CD302: variants seen among roughly 807,000 people sequenced by gnomAD.
CD302 encodes CD302 antigen.
In CD302, 23 loss-of-function variants were observed where a neutral mutation model predicts 26.5. The ratio of observed to expected loss-of-function variants is 0.87; its 90% CI spans 0.62 to 1.23. The LOEUF is 1.23. Among genes scored for constraint, CD302 ranks in the 50% most tolerant of loss-of-function variants. The probability of loss-of-function intolerance (pLI) is 0.00; values close to 1 mark genes in which losing one functional copy is unlikely to be tolerated. For missense variants in CD302, 290 were observed against 275.5 expected, an observed-to-expected ratio of 1.05 and a Z score of -0.37; for synonymous variants, 90 against 99.4, an observed-to-expected ratio of 0.91 and a Z score of 0.56.
chr2:159,785,389 A>G (rs1282851343), intron 1 of CD302, among the ~76,000 whole-genome samples: 1 of 152,126 alleles, frequency 6.6e-6, no homozygotes. Flanking sequence ...CTCTCCCACA[A>G]TGCTGGCTTA....
chr2:159,777,838 T>TA, intron 5 of CD302, 100 bp downstream of exon 5: 1 of 580,102 alleles, frequency 1.7e-6, no homozygotes, highest in Non-Finnish European at 2.8e-6. Context: ...TACTTTATAT[T>TA]ACATAATTTT....
chr2:159,771,411 C>A lies in CD302; in HGVS notation c.*440G>T, dbSNP rs1708142962. The A allele has an allele frequency of 6.5e-6, 1 of 153,328 alleles. No homozygotes were observed. The highest frequency in any genetic ancestry group is 2.0e-4 in the South Asian group (1 of 4,914). 9.5% of individuals were successfully genotyped at this position (153,328 alleles called of 1,614,324 possible). ...AAGATACACATTCTAGAGGAATTATCTGCCAAAAAAATAACAATTATCAAA... is the reference window on the plus strand; with the variant it reads ...AAGATACACATTCTAGAGGAATTATATGCCAAAAAAATAACAATTATCAAA... On this transcript the variant is annotated 3_prime_UTR_variant, in exon 6 of 6. Transcript: ENST00000259053.
intron 3 of CD302, 40 bp downstream of exon 3, chr2:159,780,842 G>A: frequency 1.3e-6 from 2 of 1,576,764 alleles, no homozygotes; most frequent in African/African-American, 1.4e-5. Flanking sequence ...ATTAAAAAAA[G>A]AACAACAAAG....
intron 1 of CD302, among the ~76,000 whole-genome samples, chr2:159,795,816 T>C (rs1171517250): frequency 6.6e-6 from 1 of 152,190 alleles, no homozygotes; most frequent in Non-Finnish European, 1.5e-5. Context: ...TTGTAGGACA[T>C]GGCAATTCAA....
chr2:159,775,763 T>G (rs1708295896), intron 5 of CD302, among the ~76,000 whole-genome samples: 1 of 152,224 alleles, frequency 6.6e-6, no homozygotes, highest in South Asian at 2.1e-4. Flanking sequence ...ACTGTACCTA[T>G]TAAACTCCCA....
At chr2:159,776,671 G>C (rs978465613) in intron 5 of CD302, among the ~76,000 whole-genome samples, 1 of 148,516 alleles carries the variant, frequency 6.7e-6, no homozygotes, top group Non-Finnish European at 1.5e-5. Context: ...CCCCCAAATA[G>C]AAAACTGGCA....
Position 159,771,937 on chromosome 2 carries a change from A to G in CD302, c.613T>C (p.Phe205Leu). The change falls in exon 6 of 6, where the codon TTT (phenylalanine) becomes CTT (leucine). Residue 205 changes from phenylalanine to leucine, a missense_variant. Coordinates refer to ENST00000259053, the MANE Select transcript of CD302 (RefSeq NM_014880.5). ...KHSDSRFTTVFSTAPQSPYNE... is the reference protein window; with the variant it reads ...KHSDSRFTTVLSTAPQSPYNE... ...TAAGGTGATTGGGGTGCGGTTGAAAAAACTGTGGTGAAACGAGAATCAGAA... is the reference window on the plus strand; with the variant it reads ...TAAGGTGATTGGGGTGCGGTTGAAAGAACTGTGGTGAAACGAGAATCAGAA... 1.2e-6 allele frequency: 2 copies of G among 1,614,028 alleles called. No homozygotes were observed. The highest frequency in any genetic ancestry group is 1.7e-6 in the Non-Finnish European group (2 of 1,179,944).
chr2:159,784,057 T>C (rs1708595689), intron 1 of CD302, among the ~76,000 whole-genome samples: 1 of 152,246 alleles, frequency 6.6e-6, no homozygotes, highest in African/African-American at 2.4e-5. Context: ...ACTCTTCCTC[T>C]ACTGCTCTAA....
chr2:159,783,965 G>C (rs937043327), intron 1 of CD302, among the ~76,000 whole-genome samples: 1 of 152,182 alleles, frequency 6.6e-6, no homozygotes, highest in African/African-American at 2.4e-5. Context: ...AGGAAAACAA[G>C]ATTGATGTTC....
intron 1 of CD302, among the ~76,000 whole-genome samples, chr2:159,785,890 C>T (rs1475087738): frequency 5.3e-5 from 8 of 152,194 alleles, no homozygotes; most frequent in South Asian, 4.2e-4. Flanking sequence ...ACGGCTTTAA[C>T]GTCAGACAGA....
intron 4 of CD302, among the ~76,000 whole-genome samples, chr2:159,778,656 T>C (rs1708411797): frequency 1.3e-5 from 2 of 152,284 alleles, no homozygotes; most frequent in Admixed American, 6.5e-5. Flanking sequence ...TGGTTGTTTA[T>C]ATCATGTTTT....
intron 1 of CD302, among the ~76,000 whole-genome samples, chr2:159,789,274 T>C (rs553039557): frequency 6.6e-6 from 1 of 152,258 alleles, no homozygotes; most frequent in African/African-American, 2.4e-5. Flanking sequence ...AGTGCTGGGA[T>C]TACAGGCGTG....
At chr2:159,793,396 T>C (rs956739940) in intron 1 of CD302, among the ~76,000 whole-genome samples, 2 of 151,868 alleles carry the variant, frequency 1.3e-5, no homozygotes, top group African/African-American at 2.4e-5. Flanking sequence ...TAGAACTCTC[T>C]GTTCCTTTAT....
chr2:159,772,378 A>C (rs1001809827), intron 5 of CD302, among the ~76,000 whole-genome samples: 2 of 152,124 alleles, frequency 1.3e-5, no homozygotes, highest in East Asian at 1.9e-4. Flanking sequence ...ATTCAGACCT[A>C]CTGTTCCCTT....
At chr2:159,794,111 A>G (rs895864286) in intron 1 of CD302, among the ~76,000 whole-genome samples, 8 of 151,094 alleles carry the variant, frequency 5.3e-5, no homozygotes, top group African/African-American at 1.9e-4. Flanking sequence ...AAAAAAAAAA[A>G]AAAATTAGCA....
Position 159,798,119 on chromosome 2 carries a change from C to T in CD302, c.67+13G>A. On this transcript the variant is annotated intron_variant, in intron 1 of 5. Transcript: ENST00000259053. ...CGCGCACGGTCCCGGCGAGGGACTA[C>T]GTAAGGGCTTACCCGCGACGGCAGC... is the stretch of plus-strand genomic sequence containing the variant. The T allele has an allele frequency of 6.7e-7, 1 of 1,492,886 alleles. No homozygotes were observed. Among genetic ancestry groups the T allele is most frequent in the Middle Eastern group, 1.9e-4 (1 of 5,262 alleles). The allele number at this position is 1,492,886 out of a possible 1,614,324, so 92.5% of individuals were successfully genotyped here. A position where few individuals can be genotyped will look rare whatever the true frequency, so the allele number is the denominator to read the frequency against.
intron 1 of CD302, among the ~76,000 whole-genome samples, chr2:159,789,731 T>C (rs749045896): frequency 2.0e-5 from 3 of 152,216 alleles, no homozygotes; most frequent in South Asian, 2.1e-4. Context: ...TCCGTAGGGA[T>C]TGCCAGTTGA....
chr2:159,775,215 T>TCTAA (rs1708274979), intron 5 of CD302, among the ~76,000 whole-genome samples: 1 of 152,364 alleles, frequency 6.6e-6, no homozygotes, highest in African/African-American at 2.4e-5. Context: ...GTCTTCAATG[T>TCTAA]CTAACTTTAG....
intron 1 of CD302, among the ~76,000 whole-genome samples, chr2:159,788,433 C>A (rs1416706343): frequency 6.6e-6 from 1 of 152,184 alleles, no homozygotes; most frequent in Non-Finnish European, 1.5e-5. Context: ...AGCACGTGGC[C>A]TAGGTGTGTA....
Sources: allele counts gnomAD v4.1 joint callset (sites outside exome capture counted in the v4.1 genomes callset), GRCh38; gene constraint gnomAD v4.1.1; transcripts MANE v1.5; gene names NCBI Gene and HGNC (gene_info 2026-07-23, HGNC 2026-07-21).